The following TYW1 variants were observed in gnomAD, a reference collection of about 807,000 sequenced individuals.
TYW1 encodes the protein tRNA-yW synthesizing protein 1 homolog, also known as S-adenosyl-L-methionine-dependent tRNA 4-demethylwyosine synthase TYW1.
TYW1 carries 46 observed loss-of-function variants against 96.2 expected under a neutral mutation model. The ratio of observed to expected loss-of-function variants is 0.48; its 90% CI spans 0.38 to 0.61. The LOEUF (loss-of-function observed/expected upper bound fraction) is 0.61. TYW1 is among the 20% of genes least tolerant of loss of function. The pLI is 0.00. For missense variants in TYW1, 684 were observed against 909.6 expected (o/e 0.75, Z 3.19); for synonymous variants, 274 against 323.0 (o/e 0.85, Z 1.63).
chr7:67,093,259 G>A (rs1796781419), intron 11 of TYW1, among the ~76,000 whole-genome samples: 1 of 152,188 alleles, frequency 6.6e-6, no homozygotes, highest in Admixed American at 6.5e-5. Context: ...GTTGGGCCTG[G>A]CACCCCATTA....
chr7:67,146,543 C>T (rs10250751), intron 13 of TYW1, among the ~76,000 whole-genome samples: 1 of 151,730 alleles, frequency 6.6e-6, no homozygotes, highest in African/African-American at 2.4e-5. Context: ...TAAACAAAGC[C>T]CAACCACTTG....
chr7:67,235,185 C>T lies in TYW1; in HGVS notation c.1978-3123C>T, dbSNP rs1584727744. Among the ~76,000 whole-genome samples, 6 of 152,220 alleles carry T rather than the reference C, an allele frequency of 3.9e-5. No individual in the cohort carries two copies. The South Asian group carries it at 1.0e-3, about 26-fold the overall frequency. On this transcript the variant is annotated intron_variant, in intron 15 of 15. Coordinates refer to ENST00000359626, the MANE Select transcript of TYW1 (RefSeq NM_018264.4). ...CTTTCAGCAAGCAACACTGGGATCCCCAAAGAGACTCCTCTACAGGGCCAA... is the reference window on the plus strand; with the variant it reads ...CTTTCAGCAAGCAACACTGGGATCCTCAAAGAGACTCCTCTACAGGGCCAA...
intron 15 of TYW1, among the ~76,000 whole-genome samples, chr7:67,220,297 G>A (rs1388831533): frequency 8.5e-5 from 12 of 141,098 alleles, no homozygotes; most frequent in Admixed American, 7.7e-4. Context: ...TCCGCCTCCC[G>A]GGTTCATGCC....
intron 11 of TYW1, among the ~76,000 whole-genome samples, chr7:67,093,597 A>G (rs1329088580): frequency 1.3e-5 from 2 of 152,170 alleles, no homozygotes; most frequent in Admixed American, 1.3e-4. Flanking sequence ...CTTAATGCTG[A>G]GTTGTCTTGG....
intron 15 of TYW1, among the ~76,000 whole-genome samples, chr7:67,210,937 C>CATCA (rs1295441250): frequency 2.6e-5 from 4 of 151,384 alleles, no homozygotes; most frequent in African/African-American, 9.7e-5. Context: ...TCCATCCATC[C>CATCA]ATCCATCATC....
intron 7 of TYW1, among the ~76,000 whole-genome samples, chr7:67,033,698 CTTTT>C (rs576428706): frequency 7.1e-6 from 1 of 141,438 alleles, no homozygotes. Context: ...CTGGGGGACC[CTTTT>C]TTTTTTTTTT....
intron 13 of TYW1, among the ~76,000 whole-genome samples, chr7:67,146,475 T>TAAAC (rs141264098): frequency 0.21 from 27,343 of 133,106 alleles, 3,467 homozygotes; most frequent in African/African-American, 0.31. Flanking sequence ...AGATGAAAAA[T>TAAAC]AAAAATATAA....
intron 13 of TYW1, among the ~76,000 whole-genome samples, chr7:67,118,088 G>A (rs1797651471): frequency 6.6e-6 from 1 of 152,154 alleles, no homozygotes; most frequent in Non-Finnish European, 1.5e-5. Flanking sequence ...ACTTTGGGAG[G>A]GCGAGGCAGG....
At chr7:67,199,660 C>T (rs1052667320) in intron 15 of TYW1, among the ~76,000 whole-genome samples, 68 of 152,166 alleles carry the variant, frequency 4.5e-4, no homozygotes, top group Admixed American at 5.2e-4. Flanking sequence ...AGTACGGACT[C>T]AGGAATTCTA....
At position 67,144,223 on chromosome 7, in the gene TYW1, T is replaced by G. The variant is rs1798534525; in HGVS notation, c.1698+26605T>G. Among the ~76,000 whole-genome samples, 3 of 152,174 alleles carry G rather than the reference T, an allele frequency of 2.0e-5. No homozygotes were observed. In the South Asian group the frequency reaches 6.2e-4, roughly 32 times the overall value. ...AGTATCTTTTATGTGACGCTAGCTGTGTATTAAGGTCAGCCTTGAGTAAAT... is the reference window on the plus strand; with the variant it reads ...AGTATCTTTTATGTGACGCTAGCTGGGTATTAAGGTCAGCCTTGAGTAAAT... On this transcript the variant is annotated intron_variant, in intron 13 of 15. Coordinates refer to ENST00000359626, the MANE Select transcript of TYW1 (RefSeq NM_018264.4).
rs778743156 is a variant in TYW1, at chr7:67,032,885, CTTTTTTTTTTTT to C, written c.984+7881_984+7892del. Among the ~76,000 whole-genome samples, 23 of 76,278 alleles carry C rather than the reference CTTTTTTTTTTTT, an allele frequency of 3.0e-4. 1 individual carries two copies. The highest frequency in any genetic ancestry group is 7.3e-4 in the East Asian group (2 of 2,758). 50.0% of individuals were successfully genotyped at this position (76,278 alleles called of 152,430 possible). Reference sequence around the variant, plus strand: ...ATTTTCCAGCAGCAGAGAAGTATACCTTTTTTTTTTTTTTTTTTTTTTTTTTTTTGAGACAGA... The same window carrying C: ...ATTTTCCAGCAGCAGAGAAGTATACCTTTTTTTTTTTTTTTTTGAGACAGA... On this transcript the variant is annotated intron_variant, in intron 7 of 15. Transcript: ENST00000359626.
At chr7:67,167,596 A>G (rs10250487) in intron 13 of TYW1, among the ~76,000 whole-genome samples, 42,482 of 151,540 alleles carry the variant, frequency 0.28, 6,496 homozygotes, top group African/African-American at 0.4. Flanking sequence ...AGTCATTAAA[A>G]TGGGGATTTT....
chr7:67,123,595 A>G (rs10273294), intron 13 of TYW1, among the ~76,000 whole-genome samples: 41,984 of 151,942 alleles, frequency 0.28, 6,647 homozygotes, highest in African/African-American at 0.44. Flanking sequence ...AAGGAATACC[A>G]GGTGTAGATC....
chr7:67,110,936 T>C (rs1797386187), intron 12 of TYW1, among the ~76,000 whole-genome samples: 1 of 151,986 alleles, frequency 6.6e-6, no homozygotes, highest in African/African-American at 2.4e-5. Flanking sequence ...GCTCAGGAGT[T>C]CAAGATTGCA....
At chr7:67,014,625 G>C (rs569245754) in intron 5 of TYW1, 64 bp downstream of exon 5, 1 of 1,542,934 alleles carries the variant, frequency 6.5e-7, no homozygotes, top group Non-Finnish European at 8.8e-7. Context: ...GCACACACAC[G>C]TAAACACACA....
At chr7:67,105,003 G>A (rs1303557886) in intron 12 of TYW1, among the ~76,000 whole-genome samples, 2 of 152,238 alleles carry the variant, frequency 1.3e-5, no homozygotes, top group African/African-American at 4.8e-5. Context: ...GGGCCCAGGG[G>A]CCTCTACTCA....
rs188390760 is a variant in TYW1, at chr7:67,199,204, A to T, written c.1977+3867A>T. Among the ~76,000 whole-genome samples the T allele has an allele frequency of 6.2e-4, 94 of 152,200 alleles. No individual in the cohort carries two copies. The East Asian group carries it at 0.018, about 28-fold the overall frequency. On this transcript the variant is annotated intron_variant, in intron 15 of 15. Coordinates refer to ENST00000359626, the MANE Select transcript of TYW1 (RefSeq NM_018264.4). ...AGAGTGAGACCATCTCAAAAAAAAA[A>T]AATAAATAAATAAAAGAAATGGTTT... is the stretch of plus-strand genomic sequence containing the variant.
At chr7:67,223,222 G>T (rs1189315364) in intron 15 of TYW1, among the ~76,000 whole-genome samples, 10 of 152,104 alleles carry the variant, frequency 6.6e-5, no homozygotes, top group African/African-American at 2.4e-4. Context: ...TGGATGGACC[G>T]TATATCACTG....
intron 7 of TYW1, among the ~76,000 whole-genome samples, chr7:67,047,310 C>T (rs530028570): frequency 3.3e-5 from 5 of 152,146 alleles, no homozygotes; most frequent in East Asian, 1.9e-4. Context: ...GCGGGAGGGT[C>T]GCTTGAGCCC....
Sources: allele counts gnomAD v4.1 joint callset (sites outside exome capture counted in the v4.1 genomes callset), GRCh38; gene constraint gnomAD v4.1.1; transcripts MANE v1.5; gene names NCBI Gene and HGNC (gene_info 2026-07-23, HGNC 2026-07-21).